FBXO33: variants seen among roughly 807,000 people sequenced by gnomAD.
FBXO33 encodes F-box protein 33, also known as F-box only protein 33.
Under a neutral mutation model 46.3 loss-of-function variants are expected in FBXO33, and 22 were observed. The observed-to-expected ratio is 0.48, with a 90% CI of 0.34 to 0.68. The LOEUF is 0.68. FBXO33 is among the 30% of genes least tolerant of loss of function. The pLI is 0.01. For missense variants in FBXO33, 692 were observed against 708.8 expected, an observed-to-expected ratio of 0.98 and a Z score of 0.27; for synonymous variants, 337 against 291.3, an observed-to-expected ratio of 1.16 and a Z score of -1.60.
chr14:39,413,355 T>C lies in FBXO33; in HGVS notation c.600-10844A>G, dbSNP rs539254144. Among the ~76,000 whole-genome samples the C allele has an allele frequency of 5.9e-5, 9 of 152,344 alleles. No homozygotes were observed. The East Asian group carries it at 1.7e-3, about 29-fold the overall frequency. On this transcript the variant is annotated intron_variant, in intron 1 of 3. Coordinates refer to ENST00000298097, the MANE Select transcript of FBXO33 (RefSeq NM_203301.4). Reference sequence around the variant, plus strand: ...ATTTAGTCAAATCTTCAGGCTCCACTTCCAATTCTAGTTCTCTTGCAATTT... The same window carrying C: ...ATTTAGTCAAATCTTCAGGCTCCACCTCCAATTCTAGTTCTCTTGCAATTT...
chr14:39,422,657 G>A (rs1268688055), intron 1 of FBXO33, among the ~76,000 whole-genome samples: 6 of 152,072 alleles, frequency 3.9e-5, no homozygotes, highest in African/African-American at 1.4e-4. Flanking sequence ...TTTATTACTA[G>A]GTAGAGTGTA....
chr14:39,415,459 G>A (rs1032705682), intron 1 of FBXO33, among the ~76,000 whole-genome samples: 70 of 152,120 alleles, frequency 4.6e-4, no homozygotes, highest in Admixed American at 4.5e-3. Flanking sequence ...GCAATAAAAT[G>A]AATCATAACA....
At chr14:39,408,073 TG>T (rs201855214) in intron 1 of FBXO33, among the ~76,000 whole-genome samples, 367 of 152,270 alleles carry the variant, frequency 2.4e-3, no homozygotes, top group African/African-American at 8.3e-3. Context: ...CCTGAGCAGC[TG>T]GGACTACAGG....
chr14:39,418,774 C>CA (rs1237168650), intron 1 of FBXO33, among the ~76,000 whole-genome samples: 1,915 of 59,288 alleles, frequency 0.032, 37 homozygotes, highest in African/African-American at 0.093. Flanking sequence ...GACTCCGTCT[C>CA]AAAAAAAAAA....
intron 1 of FBXO33, among the ~76,000 whole-genome samples, chr14:39,428,335 A>G (rs1410402885): frequency 6.6e-6 from 1 of 152,084 alleles, no homozygotes; most frequent in African/African-American, 2.4e-5. Flanking sequence ...CCTCCTGAGT[A>G]GCTGGGATTA....
chr14:39,404,193 C>T (rs1351273106), intron 1 of FBXO33, among the ~76,000 whole-genome samples: 1 of 152,114 alleles, frequency 6.6e-6, no homozygotes, highest in African/African-American at 2.4e-5. Context: ...CTACGAAGTA[C>T]CAGGAACTGT....
At chr14:39,408,173 G>A (rs1404392805) in intron 1 of FBXO33, among the ~76,000 whole-genome samples, 1 of 151,960 alleles carries the variant, frequency 6.6e-6, no homozygotes, top group African/African-American at 2.4e-5. Flanking sequence ...TTGAACTCCT[G>A]GACTCAACCA....
chr14:39,404,896 C>A (rs2075386488), intron 1 of FBXO33, among the ~76,000 whole-genome samples: 1 of 151,730 alleles, frequency 6.6e-6, no homozygotes, highest in Admixed American at 6.6e-5. Flanking sequence ...CACCTGTAAT[C>A]CCAGCACTTT....
At chr14:39,425,754 T>C (rs1475685166) in intron 1 of FBXO33, among the ~76,000 whole-genome samples, 1 of 152,240 alleles carries the variant, frequency 6.6e-6, no homozygotes, top group Non-Finnish European at 1.5e-5. Flanking sequence ...AGTGTACTAT[T>C]CTTTGTTGTA....
At position 39,432,251 on chromosome 14, in the gene FBXO33, C is replaced by T. The variant is rs1397527971; in HGVS notation, c.-89G>A. 14 of 1,079,328 alleles carry T rather than the reference C, an allele frequency of 1.3e-5. No homozygotes were observed. The highest frequency in any genetic ancestry group is 1.7e-5 in the African/African-American group (1 of 59,800). 66.9% of individuals were successfully genotyped at this position (1,079,328 alleles called of 1,614,324 possible). A position where few individuals can be genotyped will look rare whatever the true frequency, so the allele number is the denominator to read the frequency against. On this transcript the variant is annotated 5_prime_UTR_variant, in exon 1 of 4. Coordinates refer to ENST00000298097, the MANE Select transcript of FBXO33 (RefSeq NM_203301.4). Reference sequence around the variant, plus strand: ...TTGTGGAGAGGGGGAAAGGCCTCTGCGGGCGTGGCCTGCCGGGAGCCAGCC... The same window carrying T: ...TTGTGGAGAGGGGGAAAGGCCTCTGTGGGCGTGGCCTGCCGGGAGCCAGCC...
Position 39,399,591 on chromosome 14 carries a change from G to A in FBXO33, c.1593C>T (p.Ile531=), listed in dbSNP as rs1358176896. 1.2e-6 allele frequency: 2 copies of A among 1,613,606 alleles called. No individual in the cohort carries two copies. The highest frequency in any genetic ancestry group is 1.1e-5 in the South Asian group (1 of 90,968). Residue 531 remains isoleucine, a synonymous_variant, in exon 4 of 4, where the codon ATC becomes ATT. Transcript: ENST00000298097. The stretch of plus-strand genomic sequence containing the variant: ...GTTCAGTGAAGACACTGAGTGATTC[G>A]ATGTCCATGACTGCATGCCAAGGTT... ...LGQPWHAVMD[I]ESLSVFTEPN... is the part of the protein sequence containing the mutation.
At chr14:39,422,659 T>C (rs538078472) in intron 1 of FBXO33, among the ~76,000 whole-genome samples, 1 of 152,310 alleles carries the variant, frequency 6.6e-6, no homozygotes, top group South Asian at 2.1e-4. Flanking sequence ...TATTACTAGG[T>C]AGAGTGTAAA....
chr14:39,421,481 T>C (rs2075483653), intron 1 of FBXO33, among the ~76,000 whole-genome samples: 1 of 152,138 alleles, frequency 6.6e-6, no homozygotes, highest in Non-Finnish European at 1.5e-5. Flanking sequence ...CATATGGACT[T>C]CATATGAGTC....
chr14:39,420,032 T>C lies in FBXO33; in HGVS notation c.599+11532A>G, dbSNP rs947702571. On this transcript the variant is annotated intron_variant, in intron 1 of 3. Transcript: ENST00000298097. ...TCCTTAACAGTATTTTTAAAAGTAA[T>C]GAGTTCCAGATCTCGAGCTAAAGCA... is the stretch of plus-strand genomic sequence containing the variant. 3.5e-4 allele frequency among the ~76,000 whole-genome samples: 53 copies of C among 152,252 alleles called. 1 individual carries two copies. Among genetic ancestry groups the C allele is most frequent in the Non-Finnish European group, 1.6e-4 (11 of 68,050 alleles).
At chr14:39,419,388 C>CA (rs2075468351) in intron 1 of FBXO33, among the ~76,000 whole-genome samples, 1 of 152,136 alleles carries the variant, frequency 6.6e-6, no homozygotes, top group Non-Finnish European at 1.5e-5. Context: ...GGGCAGCTTT[C>CA]AAATACATGG....
At chr14:39,418,809 A>T (rs2075464284) in intron 1 of FBXO33, among the ~76,000 whole-genome samples, 9 of 151,736 alleles carry the variant, frequency 5.9e-5, no homozygotes, top group Admixed American at 5.9e-4. Flanking sequence ...AACAAACTGC[A>T]TCACAGTAAA....
chr14:39,420,771 T>C (rs1461981153), intron 1 of FBXO33, among the ~76,000 whole-genome samples: 1 of 152,136 alleles, frequency 6.6e-6, no homozygotes, highest in Admixed American at 6.5e-5. Context: ...ATGGTATTAA[T>C]GGGGGTTCAT....
intron 1 of FBXO33, among the ~76,000 whole-genome samples, chr14:39,411,513 T>C (rs888783298): frequency 2.7e-5 from 4 of 149,672 alleles, no homozygotes; most frequent in Non-Finnish European, 5.9e-5. Flanking sequence ...AAGATATTAT[T>C]TGACTTCCCC....
chr14:39,403,429 C>G (rs2075377962), intron 1 of FBXO33, among the ~76,000 whole-genome samples: 1 of 152,194 alleles, frequency 6.6e-6, no homozygotes, highest in South Asian at 2.1e-4. Flanking sequence ...GACCTTGTCT[C>G]TAATGAAAAT....
Sources: gnomAD v4.1 joint callset for allele counts (sites outside exome capture counted in the v4.1 genomes callset) on GRCh38, gnomAD v4.1.1 for gene constraint, MANE v1.5 for transcripts, NCBI Gene and HGNC (gene_info 2026-07-23, HGNC 2026-07-21) for gene names.